The following ETV6 variants were observed in gnomAD, a reference collection of about 807,000 sequenced individuals.
ETV6 encodes the protein ETS variant transcription factor 6, also known as transcription factor ETV6.
ETV6 carries 16 observed loss-of-function variants against 51.1 expected under a neutral mutation model. That is an observed-to-expected ratio of 0.31 (90% CI 0.21 to 0.48). The LOEUF (loss-of-function observed/expected upper bound fraction) is 0.48, where lower values mean the gene tolerates loss of function less well. Among genes scored for constraint, ETV6 ranks in the 20% least tolerant of loss-of-function variants. ETV6 has a pLI of 0.99. For missense variants in ETV6, 458 were observed against 594.8 expected, an observed-to-expected ratio of 0.77 and a Z score of 2.39; for synonymous variants, 240 against 224.1, an observed-to-expected ratio of 1.07 and a Z score of -0.64.
At chr12:11,699,810 T>G (rs1262921130) in intron 1 of ETV6, among the ~76,000 whole-genome samples, 3 of 152,136 alleles carry the variant, frequency 2.0e-5, no homozygotes, top group Non-Finnish European at 4.4e-5. Context: ...TCGAGTATAC[T>G]GCGTTCCCCC....
chr12:11,843,501 C>G (rs1195273575), intron 3 of ETV6, among the ~76,000 whole-genome samples: 2 of 152,142 alleles, frequency 1.3e-5, no homozygotes, highest in Non-Finnish European at 2.9e-5. Context: ...TCCTAAGCTC[C>G]CTTCCATTCT....
chr12:11,714,117 G>A (rs1217512906), intron 1 of ETV6, among the ~76,000 whole-genome samples: 7 of 152,206 alleles, frequency 4.6e-5, no homozygotes, highest in Non-Finnish European at 1.0e-4. Flanking sequence ...TGTATCCTTA[G>A]TGTCAGAACA....
chr12:11,809,356 A>G (rs1160364733), intron 2 of ETV6, among the ~76,000 whole-genome samples: 2 of 152,156 alleles, frequency 1.3e-5, no homozygotes, highest in Non-Finnish European at 2.9e-5. Context: ...GAAGGGAGGA[A>G]TGAAAGTAAG....
chr12:11,727,890 G>A (rs1865519866), intron 1 of ETV6, among the ~76,000 whole-genome samples: 1 of 152,132 alleles, frequency 6.6e-6, no homozygotes. Flanking sequence ...TGCGATCTCA[G>A]CTCACTCCAC....
chr12:11,740,644 C>A (rs1166026655), intron 1 of ETV6, among the ~76,000 whole-genome samples: 1 of 152,130 alleles, frequency 6.6e-6, no homozygotes, highest in Non-Finnish European at 1.5e-5. Context: ...TCAAGATGCT[C>A]AGAAACTGTT....
intron 4 of ETV6, among the ~76,000 whole-genome samples, chr12:11,859,282 C>T (rs148343256): frequency 3.1e-3 from 463 of 151,730 alleles, no homozygotes; most frequent in Non-Finnish European, 4.1e-3. Context: ...GCAGGGACTA[C>T]AGGCATCCGC....
At chr12:11,735,946 GT>G (rs1300825363) in intron 1 of ETV6, among the ~76,000 whole-genome samples, 22 of 152,198 alleles carry the variant, frequency 1.4e-4, no homozygotes, top group Admixed American at 1.3e-4. Flanking sequence ...TGAATCCCAA[GT>G]TTTTAGTCTT....
chr12:11,843,977 C>T (rs1037200936), intron 3 of ETV6, among the ~76,000 whole-genome samples: 3 of 151,800 alleles, frequency 2.0e-5, no homozygotes, highest in Non-Finnish European at 2.9e-5. Flanking sequence ...TTTTATAAAA[C>T]GTCACCTGGA....
intron 1 of ETV6, among the ~76,000 whole-genome samples, chr12:11,669,159 G>C (rs1864254489): frequency 6.6e-6 from 1 of 152,134 alleles, no homozygotes. Flanking sequence ...AAACCTATAT[G>C]CATTCCCAAA....
At chr12:11,867,986 G>A (rs1946815955) in intron 4 of ETV6, among the ~76,000 whole-genome samples, 1 of 152,188 alleles carries the variant, frequency 6.6e-6, no homozygotes, top group Non-Finnish European at 1.5e-5. Flanking sequence ...CTCTTGCTGA[G>A]CTGTGTACAC....
intron 1 of ETV6, among the ~76,000 whole-genome samples, chr12:11,690,237 G>C (rs1864727288): frequency 6.6e-6 from 1 of 151,726 alleles, no homozygotes; most frequent in African/African-American, 2.4e-5. Flanking sequence ...AAATCAGTTT[G>C]TGGTAGATGC....
At chr12:11,664,159 G>C (rs755276060) in intron 1 of ETV6, among the ~76,000 whole-genome samples, 1 of 152,092 alleles carries the variant, frequency 6.6e-6, no homozygotes, top group Non-Finnish European at 1.5e-5. Flanking sequence ...ACATCAGTCC[G>C]TGCCAGTTTC....
At chr12:11,664,550 G>A (rs2120661291) in intron 1 of ETV6, among the ~76,000 whole-genome samples, 1 of 152,268 alleles carries the variant, frequency 6.6e-6, no homozygotes, top group East Asian at 1.9e-4. Flanking sequence ...TCACCTCTCT[G>A]TCATTCTTCA....
intron 2 of ETV6, among the ~76,000 whole-genome samples, chr12:11,797,749 A>G (rs1429196850): frequency 6.6e-6 from 1 of 152,226 alleles, no homozygotes; most frequent in Non-Finnish European, 1.5e-5. Flanking sequence ...TCTGGGCCGT[A>G]GGGGCAGACA....
intron 1 of ETV6, among the ~76,000 whole-genome samples, chr12:11,743,494 G>A (rs1414215594): frequency 6.6e-6 from 1 of 152,136 alleles, no homozygotes; most frequent in African/African-American, 2.4e-5. Context: ...TTAGAGCCTG[G>A]TGTGTCTTCA....
At chr12:11,694,677 C>T (rs1272009003) in intron 1 of ETV6, among the ~76,000 whole-genome samples, 1 of 152,218 alleles carries the variant, frequency 6.6e-6, no homozygotes, top group Non-Finnish European at 1.5e-5. Context: ...GTGTTTGTTA[C>T]AGCCTTCTCT....
intron 2 of ETV6, among the ~76,000 whole-genome samples, chr12:11,757,666 C>T (rs1945027248): frequency 6.6e-6 from 1 of 152,162 alleles, no homozygotes; most frequent in African/African-American, 2.4e-5. Context: ...AACCACCTTT[C>T]AGCTTTTTTA....
At chr12:11,750,113 G>A (rs934014848) in intron 1 of ETV6, among the ~76,000 whole-genome samples, 12 of 152,182 alleles carry the variant, frequency 7.9e-5, no homozygotes, top group African/African-American at 2.9e-4. Context: ...GGTTTGCGGG[G>A]GATGGCGTCA....
intron 2 of ETV6, among the ~76,000 whole-genome samples, chr12:11,803,288 A>G (rs1180589483): frequency 6.6e-6 from 1 of 152,228 alleles, no homozygotes; most frequent in African/African-American, 2.4e-5. Flanking sequence ...AATGAAAGAA[A>G]TTATAATTAA....
Sources: gnomAD v4.1 joint callset for allele counts (sites outside exome capture counted in the v4.1 genomes callset) on GRCh38, gnomAD v4.1.1 for gene constraint, MANE v1.5 for transcripts, NCBI Gene and HGNC (gene_info 2026-07-23, HGNC 2026-07-21) for gene names.